The following SCUBE2 variants were observed in gnomAD, a reference collection of about 807,000 sequenced individuals.
SCUBE2 encodes the protein signal peptide, CUB domain and EGF like domain containing 2, also known as signal peptide, CUB and EGF-like domain-containing protein 2.
Under a neutral mutation model 125.9 loss-of-function variants are expected in SCUBE2, and 114 were observed. The ratio of observed to expected loss-of-function variants is 0.91; its 90% CI spans 0.78 to 1.06. The LOEUF is 1.06. Among genes scored for constraint, SCUBE2 ranks in the 50% least tolerant of loss-of-function variants. The probability of loss-of-function intolerance (pLI) is 0.00; values close to 1 mark genes in which losing one functional copy is unlikely to be tolerated. For synonymous variants in SCUBE2, 459 were observed against 492.9 expected (o/e 0.93, Z 0.91); for missense variants, 1,255 against 1,301.8 (o/e 0.96, Z 0.55).
At chr11:9,061,536 G>T (rs1859683747) in intron 7 of SCUBE2, among the ~76,000 whole-genome samples, 1 of 145,976 alleles carries the variant, frequency 6.9e-6, no homozygotes, top group South Asian at 2.2e-4. Context: ...TCCAGCCTGA[G>T]CAATACAGCG....
At chr11:9,025,437 C>T (rs1162925925) in intron 21 of SCUBE2, 1 of 342,110 alleles carries the variant, frequency 2.9e-6, no homozygotes, top group Admixed American at 4.4e-5. Flanking sequence ...CATAGCCAGG[C>T]TAATCAGTCT....
intron 7 of SCUBE2, among the ~76,000 whole-genome samples, chr11:9,063,436 C>T (rs1859878197): frequency 1.3e-5 from 2 of 152,262 alleles, no homozygotes; most frequent in East Asian, 3.9e-4. Flanking sequence ...CAGAGAGAAG[C>T]TTTCACAGGT....
intron 3 of SCUBE2, 59 bp from the exon 4 acceptor site, chr11:9,074,674 C>A: frequency 6.3e-7 from 1 of 1,599,706 alleles, no homozygotes. Context: ...CCCACCTCAC[C>A]CAGCAGCTCA....
intron 9 of SCUBE2, chr11:9,057,448 G>C (rs1383869708): frequency 1.3e-5 from 2 of 150,524 alleles, no homozygotes; most frequent in African/African-American, 2.4e-5. Flanking sequence ...TAATATTTTT[G>C]TAAAAAGGTA....
chr11:9,034,297 A>G (rs1856578156), intron 16 of SCUBE2, among the ~76,000 whole-genome samples: 1 of 152,262 alleles, frequency 6.6e-6, no homozygotes. Flanking sequence ...CGCAGTTGGG[A>G]AAGGGGGCAG....
Position 9,030,774 on chromosome 11 carries a change from C to T in SCUBE2, c.2325G>A (p.Gln775=), listed in dbSNP as rs948749078. The T allele has an allele frequency of 1.9e-6, 3 of 1,613,710 alleles. No homozygotes were observed. The highest frequency in any genetic ancestry group is 2.7e-5 in the African/African-American group (2 of 74,922). The change falls in exon 18 of 23, where the codon CAG becomes CAA. Residue 775 remains glutamine, a synonymous_variant. Coordinates refer to ENST00000649792, the MANE Select transcript of SCUBE2 (RefSeq NM_001367977.2). ...ATKHQGATSF[Q]DCETRVQCSP... is the part of the protein sequence containing the mutation. Reference sequence around the variant, plus strand: ...AGTACTCACCTCTGGTTTCACAGTCCTGAAAGGAAGTAGCTCCCTGATGTT... The same window carrying T: ...AGTACTCACCTCTGGTTTCACAGTCTTGAAAGGAAGTAGCTCCCTGATGTT...
chr11:9,058,595 CAAAAAAAAAAAAAAAA>C (rs61409328), intron 9 of SCUBE2, among the ~76,000 whole-genome samples: 6 of 44,314 alleles, frequency 1.4e-4, no homozygotes, highest in East Asian at 7.7e-4. Flanking sequence ...GACTCTGTCT[CAAAAAAAAAAAAAAAA>C]AAAAAAAAAA....
At chr11:9,066,348 T>C (rs1378659734) in intron 6 of SCUBE2, among the ~76,000 whole-genome samples, 1 of 152,102 alleles carries the variant, frequency 6.6e-6, no homozygotes, top group African/African-American at 2.4e-5. Context: ...CCGCCAGAAA[T>C]ATACGGCCCT....
intron 10 of SCUBE2, among the ~76,000 whole-genome samples, chr11:9,054,358 T>C (rs910345081): frequency 6.6e-6 from 1 of 152,126 alleles, no homozygotes; most frequent in Non-Finnish European, 1.5e-5. Flanking sequence ...ATCCGCACTC[T>C]ACTTTCAGAT....
intron 1 of SCUBE2, 26 bp from the exon 2 acceptor site, chr11:9,089,855 G>A (rs1862480658): frequency 1.2e-6 from 2 of 1,610,674 alleles, no homozygotes; most frequent in Middle Eastern, 1.7e-4. Flanking sequence ...GCTGACACCT[G>A]GTACAGGCTC....
At position 9,074,553 on chromosome 11, in the gene SCUBE2, T is replaced by C. The variant is rs752960978; in HGVS notation, c.445A>G (p.Ser149Gly). The C allele has an allele frequency of 6.2e-7, 1 of 1,614,104 alleles. No homozygotes were observed. Among genetic ancestry groups the C allele is most frequent in the Non-Finnish European group, 8.5e-7 (1 of 1,180,014 alleles). ...CCCTCCTTGCAGCAGCACTCATAGC[T>C]CCCCATGACGTTGACACAGGTATGC... ...CQHTCVNVMG[S>G]YECCCKEGFF... is the part of the protein sequence containing the mutation. The change falls in exon 4 of 23, where the codon AGC becomes GGC. Residue 149 changes from serine (S) to glycine (G), a missense_variant. Physicochemically the swap from Ser to Gly is moderately conservative, Grantham distance 56 (BLOSUM62 0). Coordinates refer to ENST00000649792, the MANE Select transcript of SCUBE2 (RefSeq NM_001367977.2).
In SCUBE2 at chr11:9,091,243, C is replaced by T. The variant is rs529739224; in HGVS notation, c.133+153G>A. Reference sequence around the variant, plus strand: ...GGTCGTGGCGCCTTGGCCCGGCCGGCGGGTGAGGTCCCGGGGGGAGCAGAG... The same window carrying T: ...GGTCGTGGCGCCTTGGCCCGGCCGGTGGGTGAGGTCCCGGGGGGAGCAGAG... On this transcript the variant is annotated intron_variant, in intron 1 of 22. Coordinates refer to ENST00000649792, the MANE Select transcript of SCUBE2 (RefSeq NM_001367977.2). This position sits in a 1 kb window ranked among gnomAD's most constrained non-coding sequence, Gnocchi z 8.5. Among the ~76,000 whole-genome samples the T allele has an allele frequency of 1.3e-5, 2 of 152,158 alleles. No individual in the cohort carries two copies. The highest frequency in any genetic ancestry group is 4.1e-4 in the South Asian group (2 of 4,826).
intron 5 of SCUBE2, among the ~76,000 whole-genome samples, chr11:9,067,691 G>A (rs1449058455): frequency 2.0e-5 from 3 of 151,920 alleles, no homozygotes; most frequent in East Asian, 1.9e-4. Context: ...TTCCTCAAAC[G>A]TTAAATATGT....
At chr11:9,070,478 T>C (rs1035615599) in intron 4 of SCUBE2, among the ~76,000 whole-genome samples, 1 of 152,256 alleles carries the variant, frequency 6.6e-6, no homozygotes, top group African/African-American at 2.4e-5. Flanking sequence ...TTATACTTTA[T>C]TATTAATTAC....
intron 10 of SCUBE2, among the ~76,000 whole-genome samples, chr11:9,054,721 ATATATTTTTTTTT>A (rs1858874482): frequency 9.6e-5 from 5 of 52,018 alleles, no homozygotes; most frequent in African/African-American, 9.3e-5. Context: ...ATATATATAT[ATATATTTTTTTTT>A]TTTTTTTTTT....
intron 16 of SCUBE2, among the ~76,000 whole-genome samples, chr11:9,036,774 G>C (rs117138201): frequency 0.019 from 2,948 of 152,282 alleles, 41 homozygotes; most frequent in Non-Finnish European, 0.032. Flanking sequence ...TGTCCCTGCT[G>C]CTGAGAACTC....
intron 2 of SCUBE2, among the ~76,000 whole-genome samples, chr11:9,087,908 G>A (rs980384956): frequency 5.3e-5 from 8 of 152,130 alleles, no homozygotes; most frequent in African/African-American, 1.9e-4. Context: ...TTGGTCATCT[G>A]TATATTCTGT....
chr11:9,069,396 A>C lies in SCUBE2; in HGVS notation c.617T>G (p.Leu206Arg). ...GATGCAGTCTCTCTGGTTCTTGGCC[A>C]GCTCAAAACCAGGCCTGCACTCACA... Reference protein sequence around the residue: ...VACECRPGFELAKNQRDCILT... With the variant: ...VACECRPGFERAKNQRDCILT... The change falls in exon 5 of 23, where the codon CTG becomes CGG. Residue 206 changes from leucine to arginine, a missense_variant. Around this residue, in one of 3 missense-constraint regions of SCUBE2, gnomAD observed 362 missense variants for 323.0 expected, o/e 1.12. Coordinates refer to ENST00000649792, the MANE Select transcript of SCUBE2 (RefSeq NM_001367977.2). 1 of 1,614,250 alleles carries C rather than the reference A, an allele frequency of 6.2e-7. No individual in the cohort carries two copies. The highest frequency in any genetic ancestry group is 8.5e-7 in the Non-Finnish European group (1 of 1,180,042).
chr11:9,086,048 G>T (rs1862040544), intron 2 of SCUBE2, among the ~76,000 whole-genome samples: 1 of 152,026 alleles, frequency 6.6e-6, no homozygotes, highest in Non-Finnish European at 1.5e-5. Context: ...TGCCCAGGCT[G>T]GTCTCAAACC....
Sources: gnomAD v4.1 joint callset for allele counts (sites outside exome capture counted in the v4.1 genomes callset) on GRCh38, gnomAD v4.1.1 for gene constraint, gnomAD v4.1.1 regional missense constraint, Gnocchi (gnomAD v3.1) non-coding constraint, MANE v1.5 for transcripts, NCBI Gene and HGNC (gene_info 2026-07-23, HGNC 2026-07-21) for gene names.